Variants in CCDC85C observed in about 807,000 individuals in gnomAD.
CCDC85C encodes coiled-coil domain containing 85C.
A neutral mutation model predicts 38.3 loss-of-function variants in CCDC85C; 18 were observed. The ratio of observed to expected loss-of-function variants is 0.47; its 90% CI spans 0.33 to 0.70. The LOEUF (loss-of-function observed/expected upper bound fraction) is 0.70, where lower values mean the gene tolerates loss of function less well. CCDC85C is among the 30% of genes least tolerant of loss of function. The pLI, the probability that CCDC85C is intolerant of heterozygous loss-of-function variation, is 0.03. For missense variants in CCDC85C, 566 were observed against 621.2 expected (o/e 0.91, Z 0.94); for synonymous variants, 264 against 293.8 (o/e 0.90, Z 1.04).
At chr14:99,571,267 C>T (rs1898335329) in intron 1 of CCDC85C, among the ~76,000 whole-genome samples, 1 of 152,194 alleles carries the variant, frequency 6.6e-6, no homozygotes, top group Non-Finnish European at 1.5e-5. Flanking sequence ...CACAAACTCC[C>T]TCCCCAGGCC....
rs2139892645 is a variant in CCDC85C, at chr14:99,513,530, AT to A, written c.*1715del. On this transcript the variant is annotated 3_prime_UTR_variant, in exon 6 of 6. Transcript: ENST00000380243. The stretch of plus-strand genomic sequence containing the variant: ...ACCCACTTACCCCCCTGGGGCTAAG[AT>A]GGGGGGCGTGAGCCTTTCCCCTGAG... The A allele has an allele frequency of 6.6e-6, 1 of 152,426 alleles. No individual in the cohort carries two copies. The highest frequency in any genetic ancestry group is 1.9e-4 in the East Asian group (1 of 5,180). 9.4% of individuals were successfully genotyped at this position (152,426 alleles called of 1,614,324 possible).
At position 99,588,614 on chromosome 14, in the gene CCDC85C, C is replaced by A. The variant is rs1374663874; in HGVS notation, c.793+14553G>T. Among the ~76,000 whole-genome samples, 1 of 152,058 alleles carries A rather than the reference C, an allele frequency of 6.6e-6. No individual in the cohort carries two copies. The highest frequency in any genetic ancestry group is 1.5e-5 in the Non-Finnish European group (1 of 68,010). ...AGGAAGCGAGCTGGGGAGAGGGAAG[C>A]CTGGCACAGGTGGTGGCAAAGGGTC... On this transcript the variant is annotated intron_variant, in intron 1 of 5. Transcript: ENST00000380243. This position sits in a 1 kb window ranked among gnomAD's most constrained non-coding sequence, Gnocchi z 5.0.
intron 1 of CCDC85C, among the ~76,000 whole-genome samples, chr14:99,575,846 G>A (rs1189774455): frequency 1.3e-5 from 2 of 152,198 alleles, no homozygotes; most frequent in African/African-American, 2.4e-5. Context: ...AAGCTGGTGC[G>A]CTGCTACACG....
chr14:99,550,280 T>C (rs534537000), intron 1 of CCDC85C, among the ~76,000 whole-genome samples: 1 of 152,278 alleles, frequency 6.6e-6, no homozygotes, highest in Admixed American at 6.5e-5. Flanking sequence ...TGCATGAATG[T>C]TTAAAAACAG....
Position 99,516,971 on chromosome 14 carries a change from C to G in CCDC85C, c.1071+117G>C, listed in dbSNP as rs1049272984. On this transcript the variant is annotated intron_variant, in intron 4 of 5. Transcript: ENST00000380243. This position sits in a 1 kb window ranked among gnomAD's most constrained non-coding sequence, Gnocchi z 5.5. ...GCAGCCATGGTCACCCAGCCACCCA[C>G]ACACAGATGAAACCTCCCACCCCTG... The G allele has an allele frequency of 1.0e-6, 1 of 954,018 alleles. No individual in the cohort carries two copies. The highest frequency in any genetic ancestry group is 1.6e-5 in the African/African-American group (1 of 61,504). 59.1% of individuals were successfully genotyped at this position (954,018 alleles called of 1,614,324 possible). A position where few individuals can be genotyped will look rare whatever the true frequency, so the allele number is the denominator to read the frequency against.
rs1897584007 is a variant in CCDC85C, at chr14:99,535,761, A to G, written c.867+254T>C. 1.3e-5 allele frequency among the ~76,000 whole-genome samples: 2 copies of G among 152,056 alleles called. No homozygotes were observed. The highest frequency in any genetic ancestry group is 4.2e-4 in the South Asian group (2 of 4,802). On this transcript the variant is annotated intron_variant, in intron 2 of 5. Transcript: ENST00000380243. This position sits in a 1 kb window ranked among gnomAD's most constrained non-coding sequence, Gnocchi z 5.5. ...TTTCTTCATCAACTGGGTGTTGTCC[A>G]CCCTCTCAGGCCCTGGGCCAGCCCT... is the stretch of plus-strand genomic sequence containing the variant.
intron 1 of CCDC85C, among the ~76,000 whole-genome samples, chr14:99,561,348 C>T (rs189646319): frequency 1.3e-5 from 2 of 152,320 alleles, no homozygotes; most frequent in African/African-American, 2.4e-5. Context: ...TCCATTCCTA[C>T]AAACCCATGT....
chr14:99,585,169 C>T (rs902845117), intron 1 of CCDC85C, among the ~76,000 whole-genome samples: 2 of 152,134 alleles, frequency 1.3e-5, no homozygotes, highest in African/African-American at 4.8e-5. Context: ...AGACACATGC[C>T]GATAACCAAT....
At position 99,603,575 on chromosome 14, in the gene CCDC85C, C is replaced by A; in HGVS notation, c.385G>T (p.Glu129Ter). The change falls in exon 1 of 6, where the codon GAG becomes TAG. Residue 129 changes from glutamate to a stop codon, truncating the protein, a stop_gained. Coordinates refer to ENST00000380243, the MANE Select transcript of CCDC85C (RefSeq NM_001144995.2). LOFTEE classifies it high-confidence loss of function. The surrounding 1 kb of genome is among the most constrained non-coding windows in gnomAD (Gnocchi z 7.5). Reference protein sequence around the residue: ...EVARSQQKLRELEARQEALLR... With the variant: ...EVARSQQKLR ...AGGGCCTCCTGGCGCGCCTCGAGCT[C>A]GCGCAGCTTCTGCTGCGAGCGGGCC... The A allele has an allele frequency of 7.1e-7, 1 of 1,406,072 alleles. No individual in the cohort carries two copies. The allele number at this position is 1,406,072 out of a possible 1,614,324, so 87.1% of individuals were successfully genotyped here.
chr14:99,562,638 C>T (rs1898139057), intron 1 of CCDC85C, among the ~76,000 whole-genome samples: 1 of 152,158 alleles, frequency 6.6e-6, no homozygotes, highest in African/African-American at 2.4e-5. Flanking sequence ...GGACAGGGAA[C>T]CCCCAACCTG....
At chr14:99,534,956 A>C in intron 2 of CCDC85C, 4 of 536,118 alleles carry the variant, frequency 7.5e-6, no homozygotes, top group Non-Finnish European at 3.4e-6. Flanking sequence ...AAGAGGCCAA[A>C]TGAGGAACGT....
At chr14:99,536,340 C>T (rs1394781000) in intron 1 of CCDC85C, among the ~76,000 whole-genome samples, 1 of 152,222 alleles carries the variant, frequency 6.6e-6, no homozygotes, top group Non-Finnish European at 1.5e-5. Context: ...TTGCAGGACC[C>T]GCTGCTGCCC....
At chr14:99,559,043 C>T (rs1318340912) in intron 1 of CCDC85C, among the ~76,000 whole-genome samples, 1 of 152,198 alleles carries the variant, frequency 6.6e-6, no homozygotes, top group Admixed American at 6.5e-5. Flanking sequence ...GCCTCCCCTT[C>T]GCCTTCCGCC....
chr14:99,530,586 T>C (rs1280061394), intron 2 of CCDC85C, among the ~76,000 whole-genome samples: 2 of 152,222 alleles, frequency 1.3e-5, no homozygotes, highest in African/African-American at 4.8e-5. Flanking sequence ...TCCCCGCCCC[T>C]TGAAGGGCTC....
chr14:99,603,378 C>T lies in CCDC85C; in HGVS notation c.582G>A (p.Ala194=). 2.4e-6 allele frequency: 3 copies of T among 1,249,206 alleles called. No individual in the cohort carries two copies. The highest frequency in any genetic ancestry group is 3.0e-6 in the Non-Finnish European group (3 of 998,586). 77.4% of individuals were successfully genotyped at this position (1,249,206 alleles called of 1,614,324 possible). The part of the protein sequence containing the change: ...ASLSGPLSGG[A]PGAGARDVGD... ...CCACGTCGCGGGCCCCCGCGCCGGG[C>T]GCGCCACCCGACAGCGGCCCGCTCA... The change falls in exon 1 of 6, where the codon GCG becomes GCA. Residue 194 remains alanine (A), a synonymous_variant. Transcript: ENST00000380243. This position sits in a 1 kb window ranked among gnomAD's most constrained non-coding sequence, Gnocchi z 7.5.
At chr14:99,525,585 C>T (rs955845036) in intron 2 of CCDC85C, among the ~76,000 whole-genome samples, 1 of 152,228 alleles carries the variant, frequency 6.6e-6, no homozygotes, top group Non-Finnish European at 1.5e-5. Context: ...GTTATGTGTC[C>T]GAGAGGCACA....
At chr14:99,565,791 C>T (rs1898204561) in intron 1 of CCDC85C, among the ~76,000 whole-genome samples, 1 of 152,186 alleles carries the variant, frequency 6.6e-6, no homozygotes, top group Non-Finnish European at 1.5e-5. Context: ...GCAGAAAAGA[C>T]TCCAGAAGAG....
chr14:99,501,277 G>A lies in CCDC85C; in HGVS notation c.*13969C>T. 1 of 912,734 alleles carries A rather than the reference G, an allele frequency of 1.1e-6. No homozygotes were observed. Among genetic ancestry groups the A allele is most frequent in the South Asian group, 1.3e-5 (1 of 75,712 alleles). The allele number at this position is 912,734 out of a possible 1,614,324, so 56.5% of individuals were successfully genotyped here. On this transcript the variant is annotated 3_prime_UTR_variant, in exon 6 of 6. Transcript: ENST00000380243. ...GTATTTGAGTGGTGCTGAACACGTG[G>A]TAGGTTTTTAATAAATACTTGATGC...
At chr14:99,592,856 G>A (rs1257890601) in intron 1 of CCDC85C, among the ~76,000 whole-genome samples, 2 of 152,180 alleles carry the variant, frequency 1.3e-5, no homozygotes, top group Admixed American at 1.3e-4. Flanking sequence ...AGCGGAGGGA[G>A]GTCCCCCAGG....
Sources: gnomAD v4.1 joint callset for allele counts (sites outside exome capture counted in the v4.1 genomes callset) on GRCh38, gnomAD v4.1.1 for gene constraint, Gnocchi (gnomAD v3.1) non-coding constraint, MANE v1.5 for transcripts, NCBI Gene and HGNC (gene_info 2026-07-23, HGNC 2026-07-21) for gene names.